The following ROBO2 variants were observed in gnomAD, a reference collection of about 807,000 sequenced individuals.
ROBO2 encodes the protein roundabout guidance receptor 2.
Under a neutral mutation model 160.8 loss-of-function variants are expected in ROBO2, and 53 were observed. The observed-to-expected ratio is 0.33, with a 90% CI of 0.26 to 0.41. The LOEUF is 0.41. ROBO2 is among the 10% of genes least tolerant of loss of function. The pLI, the probability that ROBO2 is intolerant of heterozygous loss-of-function variation, is 1.00. For missense variants in ROBO2, 1,577 were observed against 1,722.4 expected, an observed-to-expected ratio of 0.92 and a Z score of 1.49; for synonymous variants, 664 against 611.7, an observed-to-expected ratio of 1.09 and a Z score of -1.26.
intron 2 of ROBO2, among the ~76,000 whole-genome samples, chr3:77,351,818 G>A (rs976518407): frequency 3.3e-5 from 5 of 151,976 alleles, no homozygotes; most frequent in Admixed American, 1.3e-4. Flanking sequence ...AACAATAAGA[G>A]TCGCAGGTTT....
At chr3:75,942,451 T>G in intron 2 of ROBO2, among the ~76,000 whole-genome samples, 1 of 152,286 alleles carries the variant, frequency 6.6e-6, no homozygotes, top group South Asian at 2.1e-4. Context: ...ATCTTTATGA[T>G]ATATAAATAT....
At chr3:76,001,728 A>C (rs923313608) in intron 2 of ROBO2, among the ~76,000 whole-genome samples, 1 of 152,142 alleles carries the variant, frequency 6.6e-6, no homozygotes, top group Non-Finnish European at 1.5e-5. Flanking sequence ...TATTTTTAGT[A>C]GAAATCATGT....
At chr3:77,312,689 A>G (rs538921943) in intron 2 of ROBO2, among the ~76,000 whole-genome samples, 1 of 152,084 alleles carries the variant, frequency 6.6e-6, no homozygotes, top group Non-Finnish European at 1.5e-5. Flanking sequence ...ATGACTACAT[A>G]TTTTCTTAAA....
chr3:77,580,380 A>T (rs2093884589), intron 16 of ROBO2, among the ~76,000 whole-genome samples: 1 of 152,184 alleles, frequency 6.6e-6, no homozygotes, highest in South Asian at 2.1e-4. Flanking sequence ...AATTACTTTT[A>T]ATCAATTGCC....
intron 2 of ROBO2, among the ~76,000 whole-genome samples, chr3:77,289,679 T>A (rs1271388255): frequency 7.2e-6 from 1 of 138,342 alleles, no homozygotes; most frequent in Non-Finnish European, 1.5e-5. Flanking sequence ...AAATGGGAAG[T>A]TGAGGCTAGA....
intron 6 of ROBO2, among the ~76,000 whole-genome samples, chr3:77,540,176 C>T (rs2092391056): frequency 6.6e-6 from 1 of 152,138 alleles, no homozygotes. Flanking sequence ...AAAGGTTATA[C>T]TTACAGGTAG....
chr3:76,671,377 T>G (rs2092257794), intron 2 of ROBO2, among the ~76,000 whole-genome samples: 1 of 152,266 alleles, frequency 6.6e-6, no homozygotes, highest in African/African-American at 2.4e-5. Flanking sequence ...AACTGAAACT[T>G]ACCTCTTTTT....
intron 2 of ROBO2, among the ~76,000 whole-genome samples, chr3:77,016,157 T>C (rs1018400264): frequency 1.2e-4 from 18 of 152,040 alleles, no homozygotes; most frequent in African/African-American, 4.3e-4. Context: ...TTTGTATTTT[T>C]AGTAGAGACG....
upstream of ROBO2, among the ~76,000 whole-genome samples, chr3:77,039,089 G>A (rs980701131): frequency 6.6e-6 from 1 of 152,166 alleles, no homozygotes; most frequent in Non-Finnish European, 1.5e-5. Context: ...AGTAACATAA[G>A]AGGGGCTGCC....
chr3:77,221,479 C>T (rs1256939513), intron 2 of ROBO2, among the ~76,000 whole-genome samples: 1 of 152,056 alleles, frequency 6.6e-6, no homozygotes, highest in East Asian at 1.9e-4. Flanking sequence ...GATTCAGGCT[C>T]AATCCAGTCT....
In ROBO2 at chr3:76,907,495, T is replaced by G. The variant is rs6767841; in HGVS notation, c.110-190519T>G. ...TCTCTCATCTTTTGTTCCCCCTCTT[T>G]CTTTCTCTCTCTTCTTGTATCCAAC... is the stretch of plus-strand genomic sequence containing the variant. On this transcript the variant is annotated intron_variant, in intron 2 of 26. Coordinates refer to the ROBO2 transcript ENST00000487694. 6.4e-3 allele frequency among the ~76,000 whole-genome samples: 971 copies of G among 152,298 alleles called. 14 individuals carry two copies. Among genetic ancestry groups the G allele is most frequent in the African/African-American group, 0.023 (937 of 41,564 alleles).
rs887492178 is a variant in ROBO2, at chr3:77,329,625, T to C, written c.389-147789T>C. On this transcript the variant is annotated intron_variant, in intron 2 of 25. Transcript: ENST00000461745. The stretch of plus-strand genomic sequence containing the variant: ...AGTGACTTCTTCAGCCATGTTTTGC[T>C]GGATAATTAATTCTCCTTAATTCTG... Among the ~76,000 whole-genome samples the C allele has an allele frequency of 3.3e-5, 5 of 152,216 alleles. No individual in the cohort carries two copies. In the South Asian group the frequency reaches 8.3e-4, roughly 25 times the overall value.
chr3:77,052,400 G>A (rs2149701650), intron 1 of ROBO2, among the ~76,000 whole-genome samples: 1 of 152,248 alleles, frequency 6.6e-6, no homozygotes, highest in Non-Finnish European at 1.5e-5. Context: ...GTTATTCATG[G>A]GGCCACATTA....
intron 2 of ROBO2, among the ~76,000 whole-genome samples, chr3:76,025,761 T>C (rs115995702): frequency 6.6e-6 from 1 of 151,766 alleles, no homozygotes; most frequent in South Asian, 2.1e-4. Context: ...CAAAATATTT[T>C]CCATGCTCTG....
intron 2 of ROBO2, among the ~76,000 whole-genome samples, chr3:76,144,150 G>T (rs764759300): frequency 6.6e-6 from 1 of 151,950 alleles, no homozygotes; most frequent in Non-Finnish European, 1.5e-5. Context: ...CATAAAATTA[G>T]TCATCACAAG....
chr3:77,095,928 A>G (rs2070999731), intron 1 of ROBO2, among the ~76,000 whole-genome samples: 1 of 151,794 alleles, frequency 6.6e-6, no homozygotes, highest in Non-Finnish European at 1.5e-5. Context: ...TTTTTTTTAA[A>G]GTTCTGACCT....
At chr3:76,059,591 T>G (rs1166041541) in intron 2 of ROBO2, among the ~76,000 whole-genome samples, 4 of 152,148 alleles carry the variant, frequency 2.6e-5, no homozygotes, top group Non-Finnish European at 4.4e-5. Context: ...TTTCTCCCAT[T>G]CTGTAAGTTG....
At chr3:77,636,864 C>A (rs767506192) in intron 24 of ROBO2, among the ~76,000 whole-genome samples, 1 of 152,048 alleles carries the variant, frequency 6.6e-6, no homozygotes, top group Non-Finnish European at 1.5e-5. Flanking sequence ...GTCTATTTCC[C>A]GTATTTTTAA....
chr3:76,614,706 G>GCCA (rs1470064371), intron 2 of ROBO2, among the ~76,000 whole-genome samples: 3 of 152,088 alleles, frequency 2.0e-5, no homozygotes, highest in Admixed American at 1.3e-4. Context: ...CAATAACAGT[G>GCCA]CCATGTTTGA....
Sources: allele counts gnomAD v4.1 joint callset (sites outside exome capture counted in the v4.1 genomes callset), GRCh38; gene constraint gnomAD v4.1.1; transcripts MANE v1.5; gene names NCBI Gene and HGNC (gene_info 2026-07-23, HGNC 2026-07-21).